ST8SIA1: variants seen among roughly 807,000 people sequenced by gnomAD.
The protein encoded by ST8SIA1 is alpha-N-acetylneuraminide alpha-2,8-sialyltransferase.
A neutral mutation model predicts 35.9 loss-of-function variants in ST8SIA1; 16 were observed. The ratio of observed to expected loss-of-function variants is 0.45; its 90% CI spans 0.30 to 0.68. ST8SIA1 has a LOEUF of 0.68. Ranked by LOEUF, ST8SIA1 falls within the 30% of genes least tolerant of loss-of-function variation. The probability of loss-of-function intolerance (pLI) is 0.09; values close to 1 mark genes in which losing one functional copy is unlikely to be tolerated. For synonymous variants in ST8SIA1, 170 were observed against 169.6 expected (o/e 1.00, Z -0.02); for missense variants, 383 against 453.6 (o/e 0.84, Z 1.41).
intron 1 of ST8SIA1, among the ~76,000 whole-genome samples, chr12:22,300,889 G>T (rs957348872): frequency 9.2e-5 from 14 of 151,954 alleles, no homozygotes; most frequent in African/African-American, 3.4e-4. Context: ...TGACGTATTT[G>T]GTATAAAAAT....
intron 4 of ST8SIA1, among the ~76,000 whole-genome samples, chr12:22,212,173 C>T (rs928867279): frequency 6.6e-6 from 1 of 152,098 alleles, no homozygotes; most frequent in African/African-American, 2.4e-5. Context: ...GACCATATTG[C>T]GTTTTAAAAG....
chr12:22,319,955 C>G (rs1390527433), intron 1 of ST8SIA1, among the ~76,000 whole-genome samples: 1 of 152,046 alleles, frequency 6.6e-6, no homozygotes, highest in African/African-American at 2.4e-5. Context: ...CGGTAAGCCC[C>G]ATAAAAAGGA....
intron 4 of ST8SIA1, among the ~76,000 whole-genome samples, chr12:22,203,668 C>G (rs991047496): frequency 1.3e-5 from 2 of 152,162 alleles, no homozygotes; most frequent in Non-Finnish European, 2.9e-5. Flanking sequence ...GAAGCACATT[C>G]AACCATATCT....
intron 4 of ST8SIA1, among the ~76,000 whole-genome samples, chr12:22,236,355 T>C (rs541621356): frequency 4.6e-5 from 7 of 152,348 alleles, no homozygotes; most frequent in South Asian, 2.1e-4. Context: ...CCACATTCCA[T>C]GCAGAGAGTG....
At position 22,199,966 on chromosome 12, in the gene ST8SIA1, A is replaced by G. The variant is rs571949410; in HGVS notation, c.*1586T>C. 2.6e-4 allele frequency: 39 copies of G among 152,370 alleles called. No individual in the cohort carries two copies. The highest frequency in any genetic ancestry group is 9.4e-4 in the African/African-American group (39 of 41,596). The allele number at this position is 152,370 out of a possible 1,614,324, so 9.4% of individuals were successfully genotyped here. On this transcript the variant is annotated 3_prime_UTR_variant, in exon 5 of 5. Coordinates refer to ENST00000396037, the MANE Select transcript of ST8SIA1 (RefSeq NM_003034.4). ...GAGGCTTCCCTTACCCTTCTCTGAA[A>G]TGTAAACACATTTGGCTGCTTGTAA...
intron 2 of ST8SIA1, among the ~76,000 whole-genome samples, chr12:22,263,217 A>G (rs2300729): frequency 0.13 from 19,548 of 152,268 alleles, 1,636 homozygotes; most frequent in Middle Eastern, 0.27. Context: ...AATGTTCTCT[A>G]GCTTTTGAAG....
intron 1 of ST8SIA1, among the ~76,000 whole-genome samples, chr12:22,317,638 G>A (rs1246879135): frequency 1.3e-5 from 2 of 152,204 alleles, no homozygotes; most frequent in African/African-American, 2.4e-5. Flanking sequence ...CCCCCAGAGC[G>A]AGTGATCCCA....
At chr12:22,278,016 C>G (rs182303785) in intron 2 of ST8SIA1, among the ~76,000 whole-genome samples, 16 of 152,298 alleles carry the variant, frequency 1.1e-4, no homozygotes, top group Admixed American at 9.8e-4. Flanking sequence ...CAGGAACTAG[C>G]ACAGTCCCTA....
intron 1 of ST8SIA1, among the ~76,000 whole-genome samples, chr12:22,287,975 A>T (rs2135817090): frequency 6.6e-6 from 1 of 152,206 alleles, no homozygotes; most frequent in East Asian, 1.9e-4. Flanking sequence ...GAGCTCTATG[A>T]CTTTGACAGA....
At chr12:22,322,385 A>G (rs1866613354) in intron 1 of ST8SIA1, among the ~76,000 whole-genome samples, 1 of 152,248 alleles carries the variant, frequency 6.6e-6, no homozygotes, top group Admixed American at 6.5e-5. Context: ...GGCATCGAAT[A>G]TATATTTGTT....
chr12:22,320,933 GAAAGA>G lies in ST8SIA1; in HGVS notation c.236+13059_236+13063del, dbSNP rs1320199773. On this transcript the variant is annotated intron_variant, in intron 1 of 4. Transcript: ENST00000396037. The stretch of plus-strand genomic sequence containing the variant: ...AGAAGAAAGGAAAGAAAGGAAGAAA[GAAAGA>G]AAGAAAGAAAGAAAGAAAGAGAAAG... Among the ~76,000 whole-genome samples, 19 of 43,470 alleles carry G rather than the reference GAAAGA, an allele frequency of 4.4e-4. No individual in the cohort carries two copies. In the East Asian group the frequency reaches 4.5e-3, roughly 10 times the overall value. The allele number at this position is 43,470 out of a possible 152,430, so 28.5% of individuals were successfully genotyped here. A position where few individuals can be genotyped will look rare whatever the true frequency, so the allele number is the denominator to read the frequency against.
chr12:22,218,619 A>ATAAATAAATAAATAAC (rs1865261712), intron 4 of ST8SIA1, among the ~76,000 whole-genome samples: 1 of 150,286 alleles, frequency 6.7e-6, no homozygotes, highest in Non-Finnish European at 1.5e-5. Context: ...CTCAAAATAA[A>ATAAATAAATAAATAAC]TAAATAAATA....
intron 1 of ST8SIA1, among the ~76,000 whole-genome samples, chr12:22,288,493 T>C (rs1202766916): frequency 6.6e-6 from 1 of 152,290 alleles, no homozygotes; most frequent in South Asian, 2.1e-4. Flanking sequence ...CCCAGCCTCA[T>C]TGTTGCCAGG....
At chr12:22,311,699 G>A (rs1866451124) in intron 1 of ST8SIA1, among the ~76,000 whole-genome samples, 1 of 151,912 alleles carries the variant, frequency 6.6e-6, no homozygotes, top group African/African-American at 2.4e-5. Context: ...TATTTATTTG[G>A]CAATTCTCTA....
intron 1 of ST8SIA1, among the ~76,000 whole-genome samples, chr12:22,291,204 T>C (rs1866171449): frequency 1.3e-5 from 2 of 152,146 alleles, no homozygotes. Flanking sequence ...TGAGGACACT[T>C]AACAGGCAAA....
rs551129176 is a variant in ST8SIA1, at chr12:22,294,355, T to C, written c.237-7062A>G. ...GCAGTAGGTAACATCATTGACCTAA[T>C]AGGCCGAAATACACACTCCATATAG... On this transcript the variant is annotated intron_variant, in intron 1 of 4. Coordinates refer to ENST00000396037, the MANE Select transcript of ST8SIA1 (RefSeq NM_003034.4). Among the ~76,000 whole-genome samples, 16 of 152,276 alleles carry C rather than the reference T, an allele frequency of 1.1e-4. No individual in the cohort carries two copies. The South Asian group carries it at 2.9e-3, about 28-fold the overall frequency.
rs1435636670 is a variant in ST8SIA1, at chr12:22,195,555, A to T, written c.*5997T>A. 6.6e-6 allele frequency: 1 copy of T among 152,186 alleles called. No individual in the cohort carries two copies. Among genetic ancestry groups the T allele is most frequent in the African/African-American group, 2.4e-5 (1 of 41,448 alleles). The allele number at this position is 152,186 out of a possible 1,614,324, so 9.4% of individuals were successfully genotyped here. A position where few individuals can be genotyped will look rare whatever the true frequency, so the allele number is the denominator to read the frequency against. On this transcript the variant is annotated 3_prime_UTR_variant, in exon 5 of 5. Transcript: ENST00000396037. ...TTGGGGAAATCGCAGGGGCCAGCAC[A>T]TCAGGTGTGCAATGGATAAGCTTCA... is the stretch of plus-strand genomic sequence containing the variant.
At chr12:22,226,469 GTTTCAGCTC>G in intron 4 of ST8SIA1, among the ~76,000 whole-genome samples, 1 of 151,316 alleles carries the variant, frequency 6.6e-6, no homozygotes, top group Non-Finnish European at 1.5e-5. Context: ...ACCCAGTCCT[GTTTCAGCTC>G]TGGAAAGCCT....
chr12:22,276,944 G>A (rs1012105248), intron 2 of ST8SIA1, among the ~76,000 whole-genome samples: 1 of 152,010 alleles, frequency 6.6e-6, no homozygotes, highest in Non-Finnish European at 1.5e-5. Flanking sequence ...AGCTACACTG[G>A]CTTTCCATTC....
Sources: allele counts gnomAD v4.1 joint callset (sites outside exome capture counted in the v4.1 genomes callset), GRCh38; gene constraint gnomAD v4.1.1; transcripts MANE v1.5; gene names NCBI Gene and HGNC (gene_info 2026-07-23, HGNC 2026-07-21).